GEMIN4: variants seen among roughly 807,000 people sequenced by gnomAD.
GEMIN4 encodes the protein gem nuclear organelle associated protein 4.
In GEMIN4, 59 loss-of-function variants were observed where a neutral mutation model predicts 76.8. The ratio of observed to expected loss-of-function variants is 0.77; its 90% CI spans 0.62 to 0.95. GEMIN4 has a LOEUF of 0.95. Ranked by LOEUF, GEMIN4 falls within the 40% of genes least tolerant of loss-of-function variation. The pLI, the probability that GEMIN4 is intolerant of heterozygous loss-of-function variation, is 0.00. For synonymous variants in GEMIN4, 562 were observed against 559.7 expected, an observed-to-expected ratio of 1.00 and a Z score of -0.06; for missense variants, 1,311 against 1,318.9, an observed-to-expected ratio of 0.99 and a Z score of 0.09.
Position 746,250 on chromosome 17 carries a change from G to A in GEMIN4, c.1793C>T (p.Ser598Leu), listed in dbSNP as rs1270570544. The change falls in exon 2 of 2, where the codon TCA becomes TTA. Residue 598 changes from serine (S) to leucine (L), a missense_variant. Ser to Leu is a moderately radical substitution (Grantham distance 145). Around this residue, in one of 2 missense-constraint regions of GEMIN4, gnomAD observed 1,208 missense variants for 1,166.9 expected, o/e 1.04. Transcript: ENST00000319004. This position sits in a 1 kb window ranked among gnomAD's most constrained non-coding sequence, Gnocchi z 4.3. ...LRFVEEQGPN[S>L]SATFMVSCLK... ...GCATGACACCATGAAAGTGGCAGAT[G>A]AATTGGGACCCTGCTCTTCCACAAA... is the stretch of plus-strand genomic sequence containing the variant. 6.2e-6 allele frequency: 10 copies of A among 1,613,652 alleles called. No individual in the cohort carries two copies. The highest frequency in any genetic ancestry group is 7.6e-6 in the Non-Finnish European group (9 of 1,179,900).
chr17:751,788 G>A (rs1326361065), intron 1 of GEMIN4: 3 of 320,576 alleles, frequency 9.4e-6, no homozygotes, highest in Admixed American at 9.9e-5. Context: ...CGCAGCTGCC[G>A]TTCAGGAAAT....
Position 744,623 on chromosome 17 carries a change from T to C in GEMIN4, c.*243A>G. 1 of 433,664 alleles carries C rather than the reference T, an allele frequency of 2.3e-6. No homozygotes were observed. The highest frequency in any genetic ancestry group is 4.0e-5 in the South Asian group (1 of 25,290). The allele number at this position is 433,664 out of a possible 1,614,324, so 26.9% of individuals were successfully genotyped here. A position where few individuals can be genotyped will look rare whatever the true frequency, so the allele number is the denominator to read the frequency against. On this transcript the variant is annotated 3_prime_UTR_variant, in exon 2 of 2. Transcript: ENST00000319004. ...CCGACTTAGAAGAGACAAAGTGAGA[T>C]GCGAAAGAGGAGAATTTTTATGATA...
In GEMIN4 at chr17:747,178, G is replaced by A. The variant is rs1331475692; in HGVS notation, c.865C>T (p.Leu289=). 8 of 1,613,840 alleles carry A rather than the reference G, an allele frequency of 5.0e-6. No homozygotes were observed. In the South Asian group the frequency reaches 8.8e-5, roughly 18 times the overall value. Residue 289 remains leucine (L), a synonymous_variant, in exon 2 of 2, where the codon CTG becomes TTG. Transcript: ENST00000319004. The part of the protein sequence containing the change: ...DTQNPYHQQA[L]AEKVKEAERD... Reference sequence around the variant, plus strand: ...TCTGCCTCCTTCACCTTCTCTGCCAGCGCCTGCTGGTGGTAGGGATTCTGG... The same window carrying A: ...TCTGCCTCCTTCACCTTCTCTGCCAACGCCTGCTGGTGGTAGGGATTCTGG...
upstream of GEMIN4, chr17:752,597 C>T (rs1004612979): frequency 4.1e-5 from 40 of 967,282 alleles, no homozygotes; most frequent in South Asian, 9.8e-5. Flanking sequence ...CACTCCCACC[C>T]GCCCAGCTCG....
chr17:752,343 C>A (rs955803736), upstream of GEMIN4: 30 of 1,180,996 alleles, frequency 2.5e-5, no homozygotes, highest in Admixed American at 4.3e-5. Context: ...AAGCGCACAG[C>A]GCCGCCTTCC....
rs576379215 is a variant in GEMIN4, at chr17:747,521, C to T, written c.522G>A (p.Pro174=). The change falls in exon 2 of 2, where the codon CCG becomes CCA. Residue 174 remains proline (P), a synonymous_variant. Transcript: ENST00000319004. ...TAAACTGGGAGAGCAGGGGGTCCTG[C>T]GGGTGACCCTTGTGCTTCATCACCT... ...WWEVMKHKGH[P]QDPLLSQFSA... 18 of 1,613,664 alleles carry T rather than the reference C, an allele frequency of 1.1e-5. No homozygotes were observed. Among genetic ancestry groups the T allele is most frequent in the East Asian group, 4.5e-5 (2 of 44,886 alleles).
At position 745,753 on chromosome 17, in the gene GEMIN4, C is replaced by T. The variant is rs1453727509; in HGVS notation, c.2290G>A (p.Glu764Lys). 1.2e-5 allele frequency: 19 copies of T among 1,610,138 alleles called. No homozygotes were observed. Among genetic ancestry groups the T allele is most frequent in the Non-Finnish European group, 1.6e-5 (19 of 1,178,364 alleles). ...KSLSWLHRKL[E>K]QLDWTVGLRL... ...AGGCCCACAGTCCAGTCTAGCTGTTCTAACTTGCGGTGGAGCCAGGACAGG... is the reference window on the plus strand; with the variant it reads ...AGGCCCACAGTCCAGTCTAGCTGTTTTAACTTGCGGTGGAGCCAGGACAGG... Residue 764 changes from glutamate to lysine, a missense_variant, in exon 2 of 2, where the codon GAA becomes AAA. Transcript: ENST00000319004. This position sits in a 1 kb window ranked among gnomAD's most constrained non-coding sequence, Gnocchi z 4.6.
intron 1 of GEMIN4, among the ~76,000 whole-genome samples, chr17:751,255 G>T (rs536945888): frequency 6.6e-6 from 1 of 152,276 alleles, no homozygotes; most frequent in South Asian, 2.1e-4. Flanking sequence ...TAGAGATAAG[G>T]ACACTGAGGC....
chr17:747,326 C>T lies in GEMIN4; in HGVS notation c.717G>A (p.Ala239=), dbSNP rs781267706. 1.2e-5 allele frequency: 20 copies of T among 1,613,670 alleles called. No homozygotes were observed. Among genetic ancestry groups the T allele is most frequent in the African/African-American group, 5.3e-5 (4 of 74,922 alleles). The change falls in exon 2 of 2, where the codon GCG becomes GCA. Residue 239 remains alanine, a synonymous_variant. Transcript: ENST00000319004. ...RILGPGRKCC[A]LANLADMLTV... is the part of the protein sequence containing the mutation. ...TCAGCATGTCAGCCAGGTTGGCCAG[C>T]GCACAGCACTTCCTCCCCGGGCCCA...
At position 747,224 on chromosome 17, in the gene GEMIN4, G is replaced by C. The variant is rs368902706; in HGVS notation, c.819C>G (p.Ile273Met). The change falls in exon 2 of 2, where the codon ATC becomes ATG. Residue 273 changes from isoleucine to methionine, a missense_variant. By Grantham distance (10) the Ile-to-Met change is conservative (BLOSUM62 1). Around this residue, in one of 2 missense-constraint regions of GEMIN4, gnomAD observed 1,208 missense variants for 1,166.9 expected, o/e 1.04. Transcript: ENST00000319004. ...TVYLDKLATV[I>M]SVWNSDTQNP... ...TCTGGGTGTCCGAGTTCCACACAGA[G>C]ATCACCGTGGCCAGTTTGTCCAGAT... 2 of 1,613,734 alleles carry C rather than the reference G, an allele frequency of 1.2e-6. No homozygotes were observed. The highest frequency in any genetic ancestry group is 1.3e-5 in the African/African-American group (1 of 74,928).
intron 1 of GEMIN4, among the ~76,000 whole-genome samples, chr17:751,080 T>A (rs114186129): frequency 6.6e-6 from 1 of 152,214 alleles, no homozygotes; most frequent in Admixed American, 6.5e-5. Flanking sequence ...GGTTACTAGC[T>A]GGAAAATACT....
At chr17:749,608 G>A (rs12949596) in intron 1 of GEMIN4, among the ~76,000 whole-genome samples, 17,608 of 103,604 alleles carry the variant, frequency 0.17, 1,371 homozygotes, top group Middle Eastern at 0.3. Flanking sequence ...GGCACAGAGC[G>A]ATCACACGGC....
Position 745,634 on chromosome 17 carries a change from G to A in GEMIN4, c.2409C>T (p.Ser803=). 2 of 1,603,370 alleles carry A rather than the reference G, an allele frequency of 1.2e-6. No homozygotes were observed. The highest frequency in any genetic ancestry group is 1.7e-6 in the Non-Finnish European group (2 of 1,175,610). ...CAGCCCCGTACCCTGGGTGGGCCTGGGAGGTCCACTCGTCTTCTGAAAGCT... is the reference window on the plus strand; with the variant it reads ...CAGCCCCGTACCCTGGGTGGGCCTGAGAGGTCCACTCGTCTTCTGAAAGCT... ...ICKLSEDEWT[S]QAHPGYGAGT... The change falls in exon 2 of 2, where the codon TCC becomes TCT. Residue 803 remains serine, a synonymous_variant. Coordinates refer to ENST00000319004, the MANE Select transcript of GEMIN4 (RefSeq NM_015721.3). The surrounding 1 kb of genome is among the most constrained non-coding windows in gnomAD (Gnocchi z 4.6).
At position 747,989 on chromosome 17, in the gene GEMIN4, G is replaced by T; in HGVS notation, c.54C>A (p.Gly18=). Reference sequence around the variant, plus strand: ...GGAACAGCTGCTCGGCCAGCAAGAAGCCTCCATGCAGAATAGTCATTTCTT... The same window carrying T: ...GGAACAGCTGCTCGGCCAGCAAGAATCCTCCATGCAGAATAGTCATTTCTT... ...ICEEMTILHG[G]FLLAEQLFHP... Residue 18 remains glycine, a synonymous_variant, in exon 2 of 2, where the codon GGC becomes GGA. Coordinates refer to ENST00000319004, the MANE Select transcript of GEMIN4 (RefSeq NM_015721.3). 6.2e-7 allele frequency: 1 copy of T among 1,612,094 alleles called. No homozygotes were observed. The highest frequency in any genetic ancestry group is 8.5e-7 in the Non-Finnish European group (1 of 1,179,160).
At chr17:748,482 GA>G in intron 1 of GEMIN4, 1 of 175,110 alleles carries the variant, frequency 5.7e-6, no homozygotes, top group East Asian at 1.8e-4. Context: ...TGTGTGAAAA[GA>G]AAAAGCTGGG....
Position 746,817 on chromosome 17 carries a change from G to A in GEMIN4, c.1226C>T (p.Ala409Val), listed in dbSNP as rs1246982693. The change falls in exon 2 of 2, where the codon GCC becomes GTC. Residue 409 changes from alanine (A) to valine (V), a missense_variant. This residue lies in a region of GEMIN4 where 1,208 missense variants were observed against 1,166.9 expected (regional missense o/e 1.04). Coordinates refer to ENST00000319004, the MANE Select transcript of GEMIN4 (RefSeq NM_015721.3). The surrounding 1 kb of genome is among the most constrained non-coding windows in gnomAD (Gnocchi z 4.3). ...LEDITASIAM[A>V]VIQQKMDRHM... ...GCGGTCCATCTTCTGCTGGATGACG[G>A]CCATGGCAATGGAAGCTGTGATATC... 15 of 1,613,748 alleles carry A rather than the reference G, an allele frequency of 9.3e-6. No individual in the cohort carries two copies. The highest frequency in any genetic ancestry group is 1.3e-5 in the African/African-American group (1 of 75,026).
At position 746,829 on chromosome 17, in the gene GEMIN4, G is replaced by A. The variant is rs1974442152; in HGVS notation, c.1214C>T (p.Ser405Phe). The A allele has an allele frequency of 6.2e-7, 1 of 1,613,814 alleles. No homozygotes were observed. Among genetic ancestry groups the A allele is most frequent in the Non-Finnish European group, 8.5e-7 (1 of 1,179,824 alleles). The change falls in exon 2 of 2, where the codon TCC becomes TTC. Residue 405 changes from serine (S) to phenylalanine (F), a missense_variant. This residue lies in a region of GEMIN4 where 1,208 missense variants were observed against 1,166.9 expected (regional missense o/e 1.04). Coordinates refer to ENST00000319004, the MANE Select transcript of GEMIN4 (RefSeq NM_015721.3). This position sits in a 1 kb window ranked among gnomAD's most constrained non-coding sequence, Gnocchi z 4.3. ...KNRALEDITA[S>F]IAMAVIQQKM... is the part of the protein sequence containing the mutation. ...CTGCTGGATGACGGCCATGGCAATG[G>A]AAGCTGTGATATCCTCCAAGGCCCT... is the stretch of plus-strand genomic sequence containing the variant.
chr17:754,320 G>C (rs1306761479), upstream of GEMIN4: 2 of 152,176 alleles, frequency 1.3e-5, no homozygotes, highest in Non-Finnish European at 2.9e-5. Flanking sequence ...CTGGAGTATG[G>C]AGTAGTAAAT....
chr17:752,348 C>T (rs950482880), upstream of GEMIN4: 3 of 1,174,312 alleles, frequency 2.6e-6, no homozygotes, highest in African/African-American at 4.8e-5. Context: ...CACAGCGCCG[C>T]CTTCCGGCAG....
Sources: gnomAD v4.1 joint callset for allele counts (sites outside exome capture counted in the v4.1 genomes callset) on GRCh38, gnomAD v4.1.1 for gene constraint, gnomAD v4.1.1 regional missense constraint, Gnocchi (gnomAD v3.1) non-coding constraint, MANE v1.5 for transcripts, NCBI Gene and HGNC (gene_info 2026-07-23, HGNC 2026-07-21) for gene names.